Variants in ATP2B2 observed in about 807,000 individuals in gnomAD.
ATP2B2 encodes the protein plasma membrane calcium-transporting ATPase 2.
In ATP2B2, 15 loss-of-function variants were observed where a neutral mutation model predicts 120.0. The observed-to-expected ratio is 0.12, with a 90% CI of 0.08 to 0.19. ATP2B2 has a LOEUF of 0.19. Ranked by LOEUF, ATP2B2 falls within the 10% of genes least tolerant of loss-of-function variation. The probability of loss-of-function intolerance (pLI) is 1.00; values close to 1 mark genes in which losing one functional copy is unlikely to be tolerated. For missense variants in ATP2B2, 1,045 were observed against 1,719.8 expected (o/e 0.61, Z 6.94); for synonymous variants, 694 against 700.3 (o/e 0.99, Z 0.14).
At chr3:10,576,001 T>C (rs1226932614) in intron 2 of ATP2B2, among the ~76,000 whole-genome samples, 1 of 152,352 alleles carries the variant, frequency 6.6e-6, no homozygotes, top group East Asian at 1.9e-4. Context: ...TTGGCATGGA[T>C]GGCCTCACTC....
chr3:10,357,813 G>A (rs1044301632), intron 14 of ATP2B2, among the ~76,000 whole-genome samples: 1 of 152,132 alleles, frequency 6.6e-6, no homozygotes, highest in East Asian at 1.9e-4. Flanking sequence ...GACTCACTCC[G>A]CCTGCCATGC....
intron 1 of ATP2B2, among the ~76,000 whole-genome samples, chr3:10,452,776 A>G (rs573201836): frequency 6.6e-6 from 1 of 152,264 alleles, no homozygotes; most frequent in African/African-American, 2.4e-5. Context: ...TTACTCAGGG[A>G]AAAGAATTGA....
intron 12 of ATP2B2, among the ~76,000 whole-genome samples, chr3:10,360,645 G>A (rs530692723): frequency 2.0e-5 from 3 of 152,304 alleles, no homozygotes; most frequent in African/African-American, 7.2e-5. Context: ...ACAATACAGA[G>A]ATGCCGTATA....
Position 10,658,782 on chromosome 3 carries a change from C to T in ATP2B2, c.-459-38821G>A, listed in dbSNP as rs544240351. ...CTCCTCGAGAAGAGCAACTCCAAGA[C>T]ACATAATTGTCAGATTCACCGAAGT... On this transcript the variant is annotated intron_variant, in intron 1 of 21. Coordinates refer to the ATP2B2 transcript ENST00000646379. Among the ~76,000 whole-genome samples, 6 of 152,080 alleles carry T rather than the reference C, an allele frequency of 3.9e-5. No homozygotes were observed. In the East Asian group the frequency reaches 1.2e-3, roughly 29 times the overall value.
intron 3 of ATP2B2, among the ~76,000 whole-genome samples, chr3:10,513,078 C>T (rs970054697): frequency 2.6e-5 from 4 of 152,208 alleles, no homozygotes. Context: ...GGTGTCTGCT[C>T]TCAAGAGGGT....
chr3:10,399,964 C>G (rs551831349), intron 5 of ATP2B2, among the ~76,000 whole-genome samples: 1 of 152,232 alleles, frequency 6.6e-6, no homozygotes, highest in Non-Finnish European at 1.5e-5. Context: ...AGGCTAGGGG[C>G]TCCCATGGGC....
At chr3:10,437,848 A>G (rs569870013) in intron 2 of ATP2B2, among the ~76,000 whole-genome samples, 15 of 152,356 alleles carry the variant, frequency 9.8e-5, no homozygotes, top group Admixed American at 3.9e-4. Context: ...AATCCATGCT[A>G]TGATTGACAC....
intron 18 of ATP2B2, 91 bp downstream of exon 18, chr3:10,345,292 CA>C: frequency 6.9e-7 from 1 of 1,454,238 alleles, no homozygotes; most frequent in Non-Finnish European, 9.5e-7. Context: ...GCTGTTCTGA[CA>C]GGGACAACCT....
Position 10,386,220 on chromosome 3 carries a change from G to A in ATP2B2, c.940+260C>T, listed in dbSNP as rs550604656. Among the ~76,000 whole-genome samples, 13 of 152,276 alleles carry A rather than the reference G, an allele frequency of 8.5e-5. No individual in the cohort carries two copies. In the South Asian group the frequency reaches 2.7e-3, roughly 32 times the overall value. ...CATGCTGGTACGCAGGGCTAAGGGT[G>A]GTGTAGAGATGGGGGTGGTACCACT... is the stretch of plus-strand genomic sequence containing the variant. On this transcript the variant is annotated intron_variant, in intron 7 of 22. Transcript: ENST00000360273.
chr3:10,510,868 G>A (rs1283993155), intron 3 of ATP2B2, among the ~76,000 whole-genome samples: 1 of 152,056 alleles, frequency 6.6e-6, no homozygotes, highest in Non-Finnish European at 1.5e-5. Flanking sequence ...GCCCACTCCC[G>A]CCCATCAATC....
chr3:10,524,048 G>A (rs1185503686), intron 3 of ATP2B2, among the ~76,000 whole-genome samples: 1 of 152,180 alleles, frequency 6.6e-6, no homozygotes, highest in Non-Finnish European at 1.5e-5. Flanking sequence ...AAAATATCGT[G>A]AGCATTGCCC....
At chr3:10,359,152 C>T (rs1313449201) in intron 13 of ATP2B2, among the ~76,000 whole-genome samples, 4 of 152,224 alleles carry the variant, frequency 2.6e-5, no homozygotes, top group Non-Finnish European at 5.9e-5. Flanking sequence ...TCACAAGATT[C>T]ATCTGAAATA....
rs560411255 is a variant in ATP2B2 at position 10,547,086 on chromosome 3, G to C, written c.-414-12953C>G. Among the ~76,000 whole-genome samples, 228 of 152,262 alleles carry C rather than the reference G, an allele frequency of 1.5e-3. 1 individual carries two copies. In the Middle Eastern group the frequency reaches 0.044, roughly 30 times the overall value. On this transcript the variant is annotated intron_variant, in intron 2 of 21. Coordinates refer to the ATP2B2 transcript ENST00000646379. ...GCAGCGAGAGGCCCCTGTGCCCTCC[G>C]AGACTTTACTGGCTGGGGCAGGTCA...
At chr3:10,486,162 T>C (rs866013294) in intron 1 of ATP2B2, among the ~76,000 whole-genome samples, 126 of 152,186 alleles carry the variant, frequency 8.3e-4, no homozygotes, top group Non-Finnish European at 2.5e-4. Flanking sequence ...TCATCGAGCA[T>C]AAGATTTGGT....
intron 1 of ATP2B2, among the ~76,000 whole-genome samples, chr3:10,484,396 G>T (rs1409809003): frequency 1.3e-5 from 2 of 152,054 alleles, no homozygotes; most frequent in Non-Finnish European, 2.9e-5. Flanking sequence ...CAGGCTGAGG[G>T]GTCTGCATGC....
intron 3 of ATP2B2, among the ~76,000 whole-genome samples, chr3:10,522,736 A>G (rs1037802806): frequency 1.3e-5 from 2 of 152,222 alleles, no homozygotes; most frequent in African/African-American, 2.4e-5. Context: ...AGAGCCTCAC[A>G]GCAGCCTGGG....
At chr3:10,652,743 C>G (rs1487740343) in intron 1 of ATP2B2, among the ~76,000 whole-genome samples, 4 of 152,156 alleles carry the variant, frequency 2.6e-5, no homozygotes, top group African/African-American at 7.2e-5. Context: ...AAACAAAATG[C>G]AGTATACACA....
intron 1 of ATP2B2, among the ~76,000 whole-genome samples, chr3:10,655,064 G>C (rs1169013117): frequency 2.0e-5 from 3 of 152,166 alleles, no homozygotes; most frequent in Non-Finnish European, 4.4e-5. Flanking sequence ...TTTCCTACAA[G>C]CAGGAACTAG....
At position 10,343,793 on chromosome 3, in the gene ATP2B2, C is replaced by T. The variant is rs898869514; in HGVS notation, c.2704-828G>A. ...GTCACTGACCTCGCCCCTGCACTCC[C>T]ACTTGTAATCCTGACCCCACTCTCC... On this transcript the variant is annotated intron_variant, in intron 18 of 22. Coordinates refer to ENST00000360273, the MANE Select transcript of ATP2B2 (RefSeq NM_001001331.4). This position sits in a 1 kb window ranked among gnomAD's most constrained non-coding sequence, Gnocchi z 4.2. Among the ~76,000 whole-genome samples, 1 of 152,126 alleles carries T rather than the reference C, an allele frequency of 6.6e-6. No homozygotes were observed. The highest frequency in any genetic ancestry group is 2.4e-5 in the African/African-American group (1 of 41,424).
Sources: gnomAD v4.1 joint callset for allele counts (sites outside exome capture counted in the v4.1 genomes callset) on GRCh38, gnomAD v4.1.1 for gene constraint, Gnocchi (gnomAD v3.1) non-coding constraint, MANE v1.5 for transcripts, NCBI Gene and HGNC (gene_info 2026-07-23, HGNC 2026-07-21) for gene names.